Variants in OR2C1 observed in about 807,000 individuals in gnomAD.
The protein encoded by OR2C1 is olfactory receptor family 2 subfamily C member 1, also known as olfactory receptor 2C1.
For synonymous variants in OR2C1, 209 were observed against 167.3 expected, an observed-to-expected ratio of 1.25 and a Z score of -1.92; for missense variants, 468 against 388.3, an observed-to-expected ratio of 1.21 and a Z score of -1.73.
chr16:3,337,698 GA>G, the OR2C1 span, among the ~76,000 whole-genome samples: 4 of 151,836 alleles, frequency 2.6e-5, no homozygotes, highest in African/African-American at 9.7e-5. Flanking sequence ...ATGCTATTTT[GA>G]ATTCTGGGTC....
At chr16:3,343,872 G>A in the OR2C1 span, among the ~76,000 whole-genome samples, 3 of 152,166 alleles carry the variant, frequency 2.0e-5, no homozygotes, top group Non-Finnish European at 2.9e-5. Flanking sequence ...AAATTAGGGG[G>A]AAATATTTCT....
In OR2C1 at chr16:3,356,260, TG is replaced by T. The variant is rs776924745; in HGVS notation, c.325del (p.Ala109ProfsTer9). The T allele has an allele frequency of 1.5e-5, 25 of 1,613,900 alleles. No individual in the cohort carries two copies. The highest frequency in any genetic ancestry group is 5.3e-5 in the African/African-American group (4 of 74,940). On this transcript the variant is annotated frameshift_variant, in exon 1 of 1. Transcript: ENST00000304936. LOFTEE classifies it low-confidence loss of function (END_TRUNC). ...CITQLYVFLW[L>X]GATECILLVV... is the part of the protein sequence containing the mutation. ...ACCCAGCTCTATGTCTTCCTTTGGC[TG>T]GGGGCCACCGAGTGCATCCTGCTGG... is the stretch of plus-strand genomic sequence containing the variant.
At chr16:3,325,500 T>C in the OR2C1 span, among the ~76,000 whole-genome samples, 32 of 107,336 alleles carry the variant, frequency 3.0e-4, no homozygotes, top group African/African-American at 9.2e-4. Flanking sequence ...TATATATATA[T>C]ATATACACTT....
At chr16:3,336,481 C>G in the OR2C1 span, among the ~76,000 whole-genome samples, 1 of 152,058 alleles carries the variant, frequency 6.6e-6, no homozygotes, top group African/African-American at 2.4e-5. Context: ...CCTGCCTCAG[C>G]CTCCTGAGTA....
At chr16:3,326,470 G>C in the OR2C1 span, among the ~76,000 whole-genome samples, 3 of 152,194 alleles carry the variant, frequency 2.0e-5, no homozygotes, top group Non-Finnish European at 4.4e-5. Flanking sequence ...AGTTTTAGAA[G>C]ATATGGTTCA....
the OR2C1 span, among the ~76,000 whole-genome samples, chr16:3,335,673 C>G: frequency 6.6e-6 from 1 of 151,662 alleles, no homozygotes; most frequent in African/African-American, 2.4e-5. Context: ...ATTACAGGCG[C>G]CCACCACCAC....
chr16:3,344,055 C>G, the OR2C1 span, among the ~76,000 whole-genome samples: 1 of 152,050 alleles, frequency 6.6e-6, no homozygotes, highest in Non-Finnish European at 1.5e-5. Flanking sequence ...CCCATCACTA[C>G]TTAAAATACA....
chr16:3,347,246 CAAAAAAAAAAA>C, the OR2C1 span, among the ~76,000 whole-genome samples: 5 of 64,486 alleles, frequency 7.8e-5, no homozygotes, highest in African/African-American at 1.3e-4. Context: ...GACTCTGTCT[CAAAAAAAAAAA>C]AAAAAAAAAA....
rs1460555399 is a variant in OR2C1 at position 3,357,162 on chromosome 16, T to C, written c.*283T>C. The C allele has an allele frequency of 8.4e-6, 3 of 358,136 alleles. No individual in the cohort carries two copies. The South Asian group carries it at 1.8e-4, about 21-fold the overall frequency. The allele number at this position is 358,136 out of a possible 1,614,324, so 22.2% of individuals were successfully genotyped here. ...CCTGTGACAGACCTGTCTCACTGTC[T>C]CTGTCTCTGTTGCCCACATGTTATT... On this transcript the variant is annotated 3_prime_UTR_variant, in exon 1 of 1. Transcript: ENST00000304936.
chr16:3,339,256 A>C, the OR2C1 span, among the ~76,000 whole-genome samples: 1 of 147,448 alleles, frequency 6.8e-6, no homozygotes. Context: ...TTATCCACTC[A>C]TCTGTTGATG....
chr16:3,333,267 T>G, the OR2C1 span, among the ~76,000 whole-genome samples: 1 of 146,428 alleles, frequency 6.8e-6, no homozygotes, highest in Non-Finnish European at 1.5e-5. Context: ...GTTGTTTGAG[T>G]GCCTTATATT....
the OR2C1 span, among the ~76,000 whole-genome samples, chr16:3,339,944 C>A: frequency 5.3e-5 from 8 of 152,184 alleles, no homozygotes; most frequent in Middle Eastern, 3.4e-3. Context: ...GGCCATGTCT[C>A]TTCTTTGGGG....
chr16:3,325,814 A>G, the OR2C1 span, among the ~76,000 whole-genome samples: 2 of 151,934 alleles, frequency 1.3e-5, 1 homozygote, highest in Non-Finnish European at 2.9e-5. Flanking sequence ...AAAATATAAA[A>G]TATTTCTCAA....
At chr16:3,355,248 G>A (rs994379366), upstream of OR2C1, among the ~76,000 whole-genome samples, 5 of 150,296 alleles carry the variant, frequency 3.3e-5, no homozygotes, top group Non-Finnish European at 7.4e-5. Context: ...ATATCACGAG[G>A]TCAGGAGTTC....
the OR2C1 span, among the ~76,000 whole-genome samples, chr16:3,332,703 A>G: frequency 7.6e-6 from 1 of 131,298 alleles, no homozygotes; most frequent in Non-Finnish European, 1.6e-5. Context: ...TTATGGCTGA[A>G]TAATAATATT....
chr16:3,337,608 A>T, the OR2C1 span, among the ~76,000 whole-genome samples: 2 of 151,916 alleles, frequency 1.3e-5, no homozygotes, highest in Non-Finnish European at 2.9e-5. Flanking sequence ...AAATTACCTC[A>T]GTCTTTTTGT....
chr16:3,340,402 A>G, the OR2C1 span, among the ~76,000 whole-genome samples: 1 of 152,122 alleles, frequency 6.6e-6, no homozygotes, highest in Non-Finnish European at 1.5e-5. Flanking sequence ...TATTTTCTCT[A>G]CCTCTATAGA....
rs763177230 is a variant in OR2C1, at chr16:3,356,400, G to C, written c.460G>C (p.Gly154Arg). Reference sequence around the variant, plus strand: ...TGTGATTGCCTGCCTGGGTGGCTTGGGCAACTCTGTGATCCAGTCAACATT... The same window carrying C: ...TGTGATTGCCTGCCTGGGTGGCTTGCGCAACTCTGTGATCCAGTCAACATT... ...LAVIACLGGL[G>R]NSVIQSTFTL... is the part of the protein sequence containing the mutation. The change falls in exon 1 of 1, where the codon GGC becomes CGC. Residue 154 changes from glycine to arginine, a missense_variant. Coordinates refer to ENST00000304936, the MANE Select transcript of OR2C1 (RefSeq NM_012368.3). 8 of 1,613,730 alleles carry C rather than the reference G, an allele frequency of 5.0e-6. No homozygotes were observed. The highest frequency in any genetic ancestry group is 1.1e-5 in the South Asian group (1 of 91,080).
chr16:3,330,442 A>G, the OR2C1 span, among the ~76,000 whole-genome samples: 1 of 152,174 alleles, frequency 6.6e-6, no homozygotes, highest in Non-Finnish European at 1.5e-5. Context: ...CTAAAGCTAC[A>G]TTAATCAAAA....
Sources: gnomAD v4.1 joint callset for allele counts (sites outside exome capture counted in the v4.1 genomes callset) on GRCh38, gnomAD v4.1.1 for gene constraint, MANE v1.5 for transcripts, NCBI Gene and HGNC (gene_info 2026-07-23, HGNC 2026-07-21) for gene names.